Variants in OTOS observed in about 807,000 individuals in gnomAD.
OTOS encodes otospiralin.
OTOS carries 14 observed loss-of-function variants against 12.5 expected under a neutral mutation model. The ratio of observed to expected loss-of-function variants is 1.12; its 90% CI spans 0.74 to 1.76. The LOEUF (loss-of-function observed/expected upper bound fraction) is 1.76. Among genes scored for constraint, OTOS ranks in the 40% most tolerant of loss-of-function variants. The pLI, the probability that OTOS is intolerant of heterozygous loss-of-function variation, is 0.00. For synonymous variants in OTOS, 49 were observed against 47.6 expected, an observed-to-expected ratio of 1.03 and a Z score of -0.12; for missense variants, 141 against 112.8, an observed-to-expected ratio of 1.25 and a Z score of -1.13.
At chr2:240,140,127 C>A in intron 2 of OTOS, 39 bp from the exon 3 acceptor site, 1 of 1,611,416 alleles carries the variant, frequency 6.2e-7, no homozygotes, top group Non-Finnish European at 8.5e-7. Flanking sequence ...AGGAGGACCA[C>A]CCAGGTGCCG....
At chr2:240,140,205 G>C in intron 2 of OTOS, 64 bp downstream of exon 2, 1 of 1,589,448 alleles carries the variant, frequency 6.3e-7, no homozygotes, top group South Asian at 1.1e-5. Context: ...GCATGCGGGA[G>C]GGGAGAGAAC....
intron 3 of OTOS, 116 bp from the exon 4 acceptor site, chr2:240,139,470 A>T (rs1340201328): frequency 3.7e-6 from 4 of 1,083,042 alleles, no homozygotes; most frequent in African/African-American, 1.6e-5. Flanking sequence ...CAGTGATACA[A>T]CCTTCCCAGA....
In OTOS at chr2:240,139,398, C is replaced by T. The variant is rs373364742; in HGVS notation, c.86-44G>A. ...CTGCCTTGGGGGCTGTCCCCATGGT[C>T]CTGCCTGGAGACACCATCCTCAGAG... is the stretch of plus-strand genomic sequence containing the variant. On this transcript the variant is annotated intron_variant, in intron 3 of 3. Coordinates refer to ENST00000319460, the MANE Select transcript of OTOS (RefSeq NM_148961.4). 1.4e-3 allele frequency: 2,268 copies of T among 1,569,570 alleles called. 2 individuals carry two copies. The highest frequency in any genetic ancestry group is 1.6e-3 in the Non-Finnish European group (1,876 of 1,152,876).
chr2:240,139,645 AAC>A lies in OTOS; in HGVS notation c.86-293_86-292del, dbSNP rs568576127. On this transcript the variant is annotated intron_variant, in intron 3 of 3. Coordinates refer to ENST00000319460, the MANE Select transcript of OTOS (RefSeq NM_148961.4). ...CAGCAGCCACCTGCTGGGATTTCAG[AAC>A]AGAGCACAGACACCCCACTCCGCTA... Among the ~76,000 whole-genome samples, 30 of 152,252 alleles carry A rather than the reference AAC, an allele frequency of 2.0e-4. No individual in the cohort carries two copies. The East Asian group carries it at 5.8e-3, about 29-fold the overall frequency.
Position 240,140,292 on chromosome 2 carries a change from C to G in OTOS, c.35G>C (p.Cys12Ser). ...ACCTGCAAGAGGCCCCAGTAGGAGGCAGAGGGCCAGCCCCGGCACCATGCA... is the reference window on the plus strand; with the variant it reads ...ACCTGCAAGAGGCCCCAGTAGGAGGGAGAGGGCCAGCCCCGGCACCATGCA... ...QACMVPGLAL[C>S]LLLGPLAGAK... Residue 12 changes from cysteine to serine, a missense_variant, in exon 2 of 4, where the codon TGC becomes TCC. Physicochemically the swap from Cys to Ser is moderately radical, Grantham distance 112. Coordinates refer to ENST00000319460, the MANE Select transcript of OTOS (RefSeq NM_148961.4). The G allele has an allele frequency of 8.8e-6, 14 of 1,596,560 alleles. No individual in the cohort carries two copies. The highest frequency in any genetic ancestry group is 1.2e-5 in the Non-Finnish European group (14 of 1,171,522).
chr2:240,139,396 G>GTCCT, intron 3 of OTOS, 42 bp from the exon 4 acceptor site: 2 of 1,573,066 alleles, frequency 1.3e-6, no homozygotes, highest in Non-Finnish European at 1.7e-6. Context: ...TGTCCCCATG[G>GTCCT]TCCTGCCTGG....
At chr2:240,139,726 G>C (rs996525521) in intron 3 of OTOS, among the ~76,000 whole-genome samples, 2 of 152,178 alleles carry the variant, frequency 1.3e-5, no homozygotes, top group African/African-American at 2.4e-5. Context: ...GAAGATACTG[G>C]ACTGAGCTAG....
At position 240,139,038 on chromosome 2, in the gene OTOS, A is replaced by T; in HGVS notation, c.*132T>A. On this transcript the variant is annotated 3_prime_UTR_variant, in exon 4 of 4. Transcript: ENST00000319460. ...CCCACAACGCTGGTTGTGCATCTTC[A>T]GTCCGGAGTTTATTGAGCGTGAGAC... is the stretch of plus-strand genomic sequence containing the variant. 1.1e-6 allele frequency: 1 copy of T among 879,124 alleles called. No homozygotes were observed. The highest frequency in any genetic ancestry group is 1.7e-6 in the Non-Finnish European group (1 of 595,908). 54.5% of individuals were successfully genotyped at this position (879,124 alleles called of 1,614,324 possible).
rs573990517 is a variant in OTOS at position 240,140,640 on chromosome 2, C to T, written c.-139G>A. The T allele has an allele frequency of 2.8e-5, 10 of 359,040 alleles. No individual in the cohort carries two copies. The highest frequency in any genetic ancestry group is 2.4e-4 in the East Asian group (5 of 20,490). The allele number at this position is 359,040 out of a possible 1,614,324, so 22.2% of individuals were successfully genotyped here. A position where few individuals can be genotyped will look rare whatever the true frequency, so the allele number is the denominator to read the frequency against. On this transcript the variant is annotated 5_prime_UTR_variant, in exon 1 of 4. Coordinates refer to ENST00000319460, the MANE Select transcript of OTOS (RefSeq NM_148961.4). The stretch of plus-strand genomic sequence containing the variant: ...CTTACCTTGTCTCTGCTCAGCCAGC[C>T]GTGCTGCCTGGATGGGCTCTGCTGC...
Position 240,139,256 on chromosome 2 carries a change from G to C in OTOS, c.184C>G (p.Gln62Glu). The stretch of plus-strand genomic sequence containing the variant: ...AAGGTTCGGGCCATGTCCTCGATCT[G>C]GGGGTAGGCCCCCAGGGCCTGGAAG... Reference protein sequence around the residue: ...QHFQALGAYPQIEDMARTFFA... With the variant: ...QHFQALGAYPEIEDMARTFFA... The change falls in exon 4 of 4, where the codon CAG becomes GAG. Residue 62 changes from glutamine (Q) to glutamate (E), a missense_variant. By Grantham distance (29) the Gln-to-Glu change is conservative (BLOSUM62 2). Transcript: ENST00000319460. 6.2e-7 allele frequency: 1 copy of C among 1,614,162 alleles called. No homozygotes were observed. The highest frequency in any genetic ancestry group is 8.5e-7 in the Non-Finnish European group (1 of 1,180,012).
Position 240,140,463 on chromosome 2 carries a change from AT to A in OTOS, c.-118-20del. 1.2e-6 allele frequency: 1 copy of A among 825,948 alleles called. No individual in the cohort carries two copies. Among genetic ancestry groups the A allele is most frequent in the Non-Finnish European group, 1.8e-6 (1 of 557,420 alleles). The allele number at this position is 825,948 out of a possible 1,614,324, so 51.2% of individuals were successfully genotyped here. ...GGCAGCCCTGGGGAAAATGGCATGG[AT>A]TTAAAAAAAAAATTCTTACTGTTTT... On this transcript the variant is annotated intron_variant, in intron 1 of 3. Transcript: ENST00000319460.
chr2:240,139,806 C>T (rs1307824385), intron 3 of OTOS, among the ~76,000 whole-genome samples: 1 of 152,140 alleles, frequency 6.6e-6, no homozygotes, highest in African/African-American at 2.4e-5. Context: ...GGTCATGGGG[C>T]CCTGGCTCCC....
In OTOS at chr2:240,139,125, C is replaced by T. The variant is rs772336990; in HGVS notation, c.*45G>A. The T allele has an allele frequency of 2.0e-5, 32 of 1,586,832 alleles. No homozygotes were observed. The highest frequency in any genetic ancestry group is 1.2e-4 in the African/African-American group (9 of 74,486). On this transcript the variant is annotated 3_prime_UTR_variant, in exon 4 of 4. Coordinates refer to ENST00000319460, the MANE Select transcript of OTOS (RefSeq NM_148961.4). ...GACTCCATGCCTGTGGAGGCCCGAC[C>T]GAGTGCAGCCTGGCGGGGTGGGCGG...
rs1272249588 is a variant in OTOS at position 240,140,251 on chromosome 2, T to C, written c.58+18A>G. 1 of 1,587,124 alleles carries C rather than the reference T, an allele frequency of 6.3e-7. No individual in the cohort carries two copies. Among genetic ancestry groups the C allele is most frequent in the Non-Finnish European group, 8.6e-7 (1 of 1,166,468 alleles). On this transcript the variant is annotated intron_variant, in intron 2 of 3. Transcript: ENST00000319460. ...TCGGGGGTCCTGGTGGCTGCCTCCC[T>C]CCAGAGCGGCCCCTCACCTGCAAGA... is the stretch of plus-strand genomic sequence containing the variant.
chr2:240,140,022 T>C (rs921200244), intron 3 of OTOS, 40 bp downstream of exon 3: 2 of 1,607,458 alleles, frequency 1.2e-6, no homozygotes, highest in Admixed American at 1.7e-5. Flanking sequence ...GCATACCAGT[T>C]ACTTATGCAA....
chr2:240,139,064 C>T lies in OTOS; in HGVS notation c.*106G>A, dbSNP rs113605418. ...GTCCGGAGTTTATTGAGCGTGAGAC[C>T]AGGCCTGACTCCTGCAGGGGCCAGG... On this transcript the variant is annotated 3_prime_UTR_variant, in exon 4 of 4. Transcript: ENST00000319460. 6 of 1,228,930 alleles carry T rather than the reference C, an allele frequency of 4.9e-6. No homozygotes were observed. The highest frequency in any genetic ancestry group is 5.6e-6 in the Non-Finnish European group (5 of 886,034). The allele number at this position is 1,228,930 out of a possible 1,614,324, so 76.1% of individuals were successfully genotyped here. A position where few individuals can be genotyped will look rare whatever the true frequency, so the allele number is the denominator to read the frequency against.
At chr2:240,139,710 A>G (rs899465391) in intron 3 of OTOS, among the ~76,000 whole-genome samples, 7 of 152,172 alleles carry the variant, frequency 4.6e-5, no homozygotes, top group African/African-American at 1.7e-4. Context: ...GGGCAAGAGC[A>G]GCCCTGAAGA....
intron 1 of OTOS, 56 bp from the exon 2 acceptor site, chr2:240,140,500 T>G: frequency 1.5e-6 from 1 of 654,342 alleles, no homozygotes. Context: ...CCTAGCAATT[T>G]CCATTTCAGT....
rs35889242 is a variant in OTOS, at chr2:240,140,307, G to A, written c.20C>T (p.Pro7Leu). The change falls in exon 2 of 4, where the codon CCG (proline) becomes CTG (leucine). Residue 7 changes from proline (P) to leucine (L), a missense_variant. Coordinates refer to ENST00000319460, the MANE Select transcript of OTOS (RefSeq NM_148961.4). MQACMV[P>L]GLALCLLLGP... is the part of the protein sequence containing the mutation. ...CAGTAGGAGGCAGAGGGCCAGCCCCGGCACCATGCAGGCCTGCATCTTCCC... is the reference window on the plus strand; with the variant it reads ...CAGTAGGAGGCAGAGGGCCAGCCCCAGCACCATGCAGGCCTGCATCTTCCC... 3.1e-3 allele frequency: 4,933 copies of A among 1,595,496 alleles called. 13 individuals are homozygous for A. The highest frequency in any genetic ancestry group is 3.7e-3 in the Non-Finnish European group (4,389 of 1,170,988).
Sources: gnomAD v4.1 joint callset for allele counts (sites outside exome capture counted in the v4.1 genomes callset) on GRCh38, gnomAD v4.1.1 for gene constraint, MANE v1.5 for transcripts, NCBI Gene and HGNC (gene_info 2026-07-23, HGNC 2026-07-21) for gene names.